Variants in SEC14L1 observed in about 807,000 individuals in gnomAD.
SEC14L1 encodes the protein SEC14-like protein 1.
SEC14L1 carries 48 observed loss-of-function variants against 85.3 expected under a neutral mutation model. That is an observed-to-expected ratio of 0.56 (90% confidence interval 0.45 to 0.72). The LOEUF (loss-of-function observed/expected upper bound fraction) is 0.72, where lower values mean the gene tolerates loss of function less well. Among genes scored for constraint, SEC14L1 ranks in the 30% least tolerant of loss-of-function variants. SEC14L1 has a pLI of 0.00. For synonymous variants in SEC14L1, 391 were observed against 355.5 expected, an observed-to-expected ratio of 1.10 and a Z score of -1.12; for missense variants, 682 against 921.4, an observed-to-expected ratio of 0.74 and a Z score of 3.36.
At chr17:77,117,414 G>A (rs1972198599) in intron 3 of SEC14L1, among the ~76,000 whole-genome samples, 1 of 152,152 alleles carries the variant, frequency 6.6e-6, no homozygotes, top group African/African-American at 2.4e-5. Flanking sequence ...GGCACCGTTG[G>A]GGTGCACGTA....
intron 1 of SEC14L1, among the ~76,000 whole-genome samples, chr17:77,142,124 A>AGGGAAGTCAAATGGCTTACTCTGG (rs1437232807): frequency 6.6e-6 from 1 of 152,162 alleles, no homozygotes; most frequent in East Asian, 1.9e-4. Context: ...ACTGAGTCCT[A>AGGGAAGTCAAATGGCTTACTCTGG]GGGAAGTCAA....
At chr17:77,125,036 G>C (rs990805186) in intron 3 of SEC14L1, among the ~76,000 whole-genome samples, 1 of 150,326 alleles carries the variant, frequency 6.7e-6, no homozygotes, top group African/African-American at 2.4e-5. Context: ...GTAGAGTCTC[G>C]CTTTGTTGCT....
At chr17:77,143,736 A>G in intron 3 of SEC14L1, 77 bp downstream of exon 3, 3 of 1,089,100 alleles carry the variant, frequency 2.8e-6, no homozygotes, top group Non-Finnish European at 4.2e-6. Context: ...TGATCTATAG[A>G]TTTATTGTTC....
At chr17:77,168,045 G>A (rs1456068044) in intron 3 of SEC14L1, among the ~76,000 whole-genome samples, 4 of 152,212 alleles carry the variant, frequency 2.6e-5, no homozygotes, top group Admixed American at 1.3e-4. Context: ...ACTGATGCCA[G>A]TTGGCTAAGA....
At chr17:77,182,230 C>T (rs1878008664) in intron 3 of SEC14L1, among the ~76,000 whole-genome samples, 1 of 152,116 alleles carries the variant, frequency 6.6e-6, no homozygotes, top group Non-Finnish European at 1.5e-5. Context: ...GTGCAGCATT[C>T]AGCTCATTAA....
chr17:77,160,414 A>C (rs1297252585), intron 3 of SEC14L1, among the ~76,000 whole-genome samples: 1 of 152,182 alleles, frequency 6.6e-6, no homozygotes, highest in Non-Finnish European at 1.5e-5. Flanking sequence ...TTAGACCAAA[A>C]ATTTTTCAGA....
In SEC14L1 at chr17:77,122,043, A is replaced by T. The variant is rs74628398; in HGVS notation, c.-135-20603A>T. 3.3e-5 allele frequency among the ~76,000 whole-genome samples: 5 copies of T among 152,324 alleles called. 1 individual carries two copies. The East Asian group carries it at 9.6e-4, about 29-fold the overall frequency. On this transcript the variant is annotated intron_variant, in intron 3 of 19. Coordinates refer to the SEC14L1 transcript ENST00000392476. ...TGGAAAACATTGATATACTGGGGCA[A>T]ACATTCCCAGAATAGATGACAAACT...
At chr17:77,205,411 A>T in intron 11 of SEC14L1, 65 bp downstream of exon 11, 1 of 1,404,634 alleles carries the variant, frequency 7.1e-7, no homozygotes, top group Non-Finnish European at 1.0e-6. Flanking sequence ...TTTCTAGTTG[A>T]TTTTTGGAAT....
intron 3 of SEC14L1, among the ~76,000 whole-genome samples, chr17:77,146,888 C>T (rs564863363): frequency 1.3e-5 from 2 of 152,078 alleles, no homozygotes; most frequent in Non-Finnish European, 1.5e-5. Flanking sequence ...GTATAAAATC[C>T]TCAGTATTTG....
At chr17:77,129,575 T>C (rs1197898801) in intron 3 of SEC14L1, among the ~76,000 whole-genome samples, 1 of 152,044 alleles carries the variant, frequency 6.6e-6, no homozygotes, top group Non-Finnish European at 1.5e-5. Context: ...AACAGGAGAT[T>C]TGGGGGTCTG....
Position 77,203,621 on chromosome 17 carries a change from T to A in SEC14L1, c.1061T>A (p.Leu354Ter). 6.2e-7 allele frequency: 1 copy of A among 1,613,716 alleles called. No individual in the cohort carries two copies. Among genetic ancestry groups the A allele is most frequent in the Non-Finnish European group, 8.5e-7 (1 of 1,179,916 alleles). Residue 354 changes from leucine (L) to a stop codon, truncating the protein, a stop_gained, in exon 10 of 17, where the codon TTG becomes TAG. Transcript: ENST00000436233. LOFTEE classifies it high-confidence loss of function. ...CTGGGGCAGATGGACACCAAAGGCT[T>A]GGTGAGAGCGCTCGGGGAGGAAGCC... ...LRLGQMDTKGLVRALGEEALL... is the reference protein window; with the variant it reads ...LRLGQMDTKG
upstream of SEC14L1, among the ~76,000 whole-genome samples, chr17:77,138,359 C>T (rs1003085069): frequency 6.6e-6 from 1 of 152,142 alleles, no homozygotes; most frequent in African/African-American, 2.4e-5. Flanking sequence ...CTGTGGTTCA[C>T]TCCTGTAATA....
intron 3 of SEC14L1, among the ~76,000 whole-genome samples, chr17:77,150,106 T>C (rs1044576441): frequency 6.6e-6 from 1 of 152,228 alleles, no homozygotes; most frequent in Non-Finnish European, 1.5e-5. Flanking sequence ...TTTGTTTCGC[T>C]CTCCTGCTCC....
chr17:77,190,558 C>G (rs755398767), intron 3 of SEC14L1, among the ~76,000 whole-genome samples: 2 of 152,140 alleles, frequency 1.3e-5, no homozygotes, highest in Non-Finnish European at 2.9e-5. Flanking sequence ...CAAAGTCTTG[C>G]TGGGGTTTTG....
intron 3 of SEC14L1, among the ~76,000 whole-genome samples, chr17:77,123,175 G>A (rs527678818): frequency 6.6e-6 from 1 of 150,906 alleles, no homozygotes; most frequent in Non-Finnish European, 1.5e-5. Flanking sequence ...TCAGCCTCCC[G>A]AGTAGCTGGG....
chr17:77,161,697 G>A (rs1974057962), intron 3 of SEC14L1, among the ~76,000 whole-genome samples: 1 of 144,884 alleles, frequency 6.9e-6, no homozygotes, highest in Admixed American at 7.1e-5. Context: ...AATCAGCTGG[G>A]TCCTTAAATT....
rs183665798 is a variant in SEC14L1 at position 77,195,368 on chromosome 17, G to T, written c.709+457G>T. 3.0e-3 allele frequency among the ~76,000 whole-genome samples: 462 copies of T among 151,934 alleles called. 2 individuals carry two copies. Among genetic ancestry groups the T allele is most frequent in the African/African-American group, 0.01 (434 of 41,444 alleles). ...GAGTATTGCTCTGTTGCCCAGGCTG[G>T]AGTGCAGTGGTGCCATCTTGGCTCA... On this transcript the variant is annotated intron_variant, in intron 7 of 16. Transcript: ENST00000436233.
At chr17:77,162,363 A>C (rs1280212369) in intron 3 of SEC14L1, among the ~76,000 whole-genome samples, 1 of 152,192 alleles carries the variant, frequency 6.6e-6, no homozygotes, top group Non-Finnish European at 1.5e-5. Flanking sequence ...GAATCAAATT[A>C]GTACTGATTT....
intron 3 of SEC14L1, among the ~76,000 whole-genome samples, chr17:77,101,954 G>A (rs1481958091): frequency 2.0e-5 from 3 of 152,040 alleles, no homozygotes; most frequent in Non-Finnish European, 4.4e-5. Flanking sequence ...GGTTCTCTGA[G>A]GTCTCTTATT....
Sources: gnomAD v4.1 joint callset for allele counts (sites outside exome capture counted in the v4.1 genomes callset) on GRCh38, gnomAD v4.1.1 for gene constraint, MANE v1.5 for transcripts, NCBI Gene and HGNC (gene_info 2026-07-23, HGNC 2026-07-21) for gene names.